The following PXDC1 variants were observed in gnomAD, a reference collection of about 807,000 sequenced individuals.
PXDC1 encodes PX domain containing 1, also known as PX domain-containing protein 1.
A neutral mutation model predicts 24.4 loss-of-function variants in PXDC1; 13 were observed. The ratio of observed to expected loss-of-function variants is 0.53; its 90% confidence interval spans 0.35 to 0.85. The LOEUF (loss-of-function observed/expected upper bound fraction) is 0.85. Among genes scored for constraint, PXDC1 ranks in the 40% least tolerant of loss-of-function variants. PXDC1 has a pLI of 0.01. For missense variants in PXDC1, 344 were observed against 309.3 expected (o/e 1.11, Z -0.84); for synonymous variants, 162 against 124.9 (o/e 1.30, Z -1.98).
rs1278768543 is a variant in PXDC1 at position 3,725,977 on chromosome 6, T to C, written c.578+1574A>G. ...TCAAGACCTGTCACTCCTGTGCACA[T>C]GCAGTCAGTCCCGGGCAGCTGCAAG... On this transcript the variant is annotated intron_variant, in intron 4 of 4. Transcript: ENST00000380283. This position sits in a 1 kb window ranked among gnomAD's most constrained non-coding sequence, Gnocchi z 4.8. Among the ~76,000 whole-genome samples, 1 of 119,958 alleles carries C rather than the reference T, an allele frequency of 8.3e-6. No individual in the cohort carries two copies. The highest frequency in any genetic ancestry group is 2.7e-4 in the South Asian group (1 of 3,680). 78.7% of individuals were successfully genotyped at this position (119,958 alleles called of 152,430 possible).
chr6:3,746,668 G>T (rs1760578644), intron 1 of PXDC1, among the ~76,000 whole-genome samples: 1 of 152,176 alleles, frequency 6.6e-6, no homozygotes, highest in African/African-American at 2.4e-5. Flanking sequence ...CTGTGCCCCT[G>T]CTCTGCTGCC....
intron 1 of PXDC1, among the ~76,000 whole-genome samples, chr6:3,741,178 G>C (rs777427201): frequency 2.0e-5 from 3 of 152,234 alleles, no homozygotes; most frequent in Non-Finnish European, 2.9e-5. Context: ...TCGAAGGAGA[G>C]TCTCGAGGGC....
chr6:3,736,188 CCT>C (rs1760311026), intron 3 of PXDC1, among the ~76,000 whole-genome samples: 1 of 152,156 alleles, frequency 6.6e-6, no homozygotes, highest in African/African-American at 2.4e-5. Context: ...GCTCAGACCC[CCT>C]CTCATCCACT....
chr6:3,738,008 G>T, intron 2 of PXDC1, 49 bp downstream of exon 2: 1 of 1,486,980 alleles, frequency 6.7e-7, no homozygotes, highest in Non-Finnish European at 9.4e-7. Flanking sequence ...TTTGGGAGGT[G>T]CCAGCACCTC....
At chr6:3,727,064 C>G (rs1561730654) in intron 4 of PXDC1, among the ~76,000 whole-genome samples, 1 of 152,218 alleles carries the variant, frequency 6.6e-6, no homozygotes, top group African/African-American at 2.4e-5. Flanking sequence ...ACCCCAGTGC[C>G]GGGCTCTCTA....
Position 3,727,563 on chromosome 6 carries a change from G to C in PXDC1, c.566C>G (p.Pro189Arg). 2 of 1,604,402 alleles carry C rather than the reference G, an allele frequency of 1.2e-6. No homozygotes were observed. The highest frequency in any genetic ancestry group is 1.7e-6 in the Non-Finnish European group (2 of 1,171,178). Reference protein sequence around the residue: ...NGRDQQLGVDPTEHLFENGSE... With the variant: ...NGRDQQLGVDRTEHLFENGSE... ...TCAGCATACTTACAAATGCTCTGTT[G>C]GGTCCACGCCCAGCTGCTGGTCTCT... The change falls in exon 4 of 5, where the codon CCA becomes CGA. Residue 189 changes from proline to arginine, a missense_variant. Physicochemically the swap from Pro to Arg is moderately radical, Grantham distance 103 (BLOSUM62 -2). Transcript: ENST00000380283.
chr6:3,737,770 G>C lies in PXDC1; in HGVS notation c.348+287C>G, dbSNP rs1760354229. 2 of 792,588 alleles carry C rather than the reference G, an allele frequency of 2.5e-6. No individual in the cohort carries two copies. The highest frequency in any genetic ancestry group is 1.3e-4 in the East Asian group (1 of 7,912). The allele number at this position is 792,588 out of a possible 1,614,324, so 49.1% of individuals were successfully genotyped here. A position where few individuals can be genotyped will look rare whatever the true frequency, so the allele number is the denominator to read the frequency against. On this transcript the variant is annotated intron_variant, in intron 2 of 4. Transcript: ENST00000380283. The surrounding 1 kb of genome is among the most constrained non-coding windows in gnomAD (Gnocchi z 5.5). ...AAAGCAAAGGCCTCCTGCAGCCAGA[G>C]GGGATCCGCACCCTTCCACCCATGC...
At chr6:3,736,763 G>A (rs1189514994) in intron 3 of PXDC1, among the ~76,000 whole-genome samples, 1 of 152,188 alleles carries the variant, frequency 6.6e-6, no homozygotes, top group Non-Finnish European at 1.5e-5. Flanking sequence ...CACTTCAGCA[G>A]GCTGAACAGT....
rs571195515 is a variant in PXDC1, at chr6:3,734,219, G to A, written c.466+2860C>T. 5.3e-5 allele frequency among the ~76,000 whole-genome samples: 8 copies of A among 152,286 alleles called. No individual in the cohort carries two copies. The South Asian group carries it at 1.5e-3, about 28-fold the overall frequency. ...CGTGGGCCATGTGTTCATACACATCGCTGATAGAGACGGGAGGCCAGGGCA... is the reference window on the plus strand; with the variant it reads ...CGTGGGCCATGTGTTCATACACATCACTGATAGAGACGGGAGGCCAGGGCA... On this transcript the variant is annotated intron_variant, in intron 3 of 4. Transcript: ENST00000380283.
In PXDC1 at chr6:3,733,573, G is replaced by A. The variant is rs193291545; in HGVS notation, c.466+3506C>T. On this transcript the variant is annotated intron_variant, in intron 3 of 4. Coordinates refer to ENST00000380283, the MANE Select transcript of PXDC1 (RefSeq NM_183373.4). ...GGTTCAGAGAAAGAAAACCAGACTC[G>A]GTGACCGGCAGAGAAGAGGAAGAGG... is the stretch of plus-strand genomic sequence containing the variant. 8.9e-4 allele frequency among the ~76,000 whole-genome samples: 136 copies of A among 152,186 alleles called. 1 individual carries two copies. The highest frequency in any genetic ancestry group is 2.9e-3 in the African/African-American group (122 of 41,498).
At position 3,737,178 on chromosome 6, in the gene PXDC1, C is replaced by CA; in HGVS notation, c.366dup (p.Val123CysfsTer17). 6 of 1,610,170 alleles carry CA rather than the reference C, an allele frequency of 3.7e-6. No homozygotes were observed. The highest frequency in any genetic ancestry group is 5.1e-6 in the Non-Finnish European group (6 of 1,176,360). On this transcript the variant is annotated frameshift_variant, in exon 3 of 5. Transcript: ENST00000380283. LOFTEE classifies it high-confidence loss of function. This position sits in a 1 kb window ranked among gnomAD's most constrained non-coding sequence, Gnocchi z 5.5. ...GGAGATCTTTCGAAGAAGGTGAGCA[C>CA]AACTTCCGATCTAGAATACTGGGGA...
In PXDC1 at chr6:3,751,447, C is replaced by A; in HGVS notation, c.85G>T (p.Val29Phe). The change falls in exon 1 of 5, where the codon GTC becomes TTC. Residue 29 changes from valine to phenylalanine, a missense_variant. Physicochemically the swap from Val to Phe is conservative, Grantham distance 50 (BLOSUM62 -1). Transcript: ENST00000380283. ...CWVNGIRRLI[V>F]SRRGDEEEFF... is the part of the protein sequence containing the mutation. ...TCCTCTTCGTCGCCGCGCCGGCTGA[C>A]GATGAGCCTGCGGATGCCGTTCACC... The A allele has an allele frequency of 6.3e-7, 1 of 1,599,460 alleles. No individual in the cohort carries two copies. Among genetic ancestry groups the A allele is most frequent in the Non-Finnish European group, 8.5e-7 (1 of 1,174,228 alleles).
At position 3,743,643 on chromosome 6, in the gene PXDC1, C is replaced by T. The variant is rs549337750; in HGVS notation, c.257-5495G>A. ...GTTAAGAACTGACTAGCTGGTTATT[C>T]AATGCATAACTAAGCAACCCAGGGA... On this transcript the variant is annotated intron_variant, in intron 1 of 4. Coordinates refer to ENST00000380283, the MANE Select transcript of PXDC1 (RefSeq NM_183373.4). 2.0e-5 allele frequency among the ~76,000 whole-genome samples: 3 copies of T among 152,336 alleles called. No individual in the cohort carries two copies. In the South Asian group the frequency reaches 6.2e-4, roughly 32 times the overall value.
At chr6:3,739,107 T>C in intron 1 of PXDC1, 1 of 1,176,696 alleles carries the variant, frequency 8.5e-7, no homozygotes, top group Non-Finnish European at 1.1e-6. Context: ...TCTGGTCTGA[T>C]TTTGTTTTGC....
Position 3,723,433 on chromosome 6 carries a change from G to C in PXDC1, c.*186C>G, listed in dbSNP as rs1186462733. The C allele has an allele frequency of 1.6e-6, 1 of 625,672 alleles. No individual in the cohort carries two copies. The highest frequency in any genetic ancestry group is 2.9e-6 in the Non-Finnish European group (1 of 348,598). 38.8% of individuals were successfully genotyped at this position (625,672 alleles called of 1,614,324 possible). On this transcript the variant is annotated 3_prime_UTR_variant, in exon 5 of 5. Transcript: ENST00000380283. ...CAGCTTGCTGGAGACTCTGCGGTCAGCCTGGCCCACTAGGAGCCCCTGCTG... is the reference window on the plus strand; with the variant it reads ...CAGCTTGCTGGAGACTCTGCGGTCACCCTGGCCCACTAGGAGCCCCTGCTG...
chr6:3,732,132 T>C (rs1240359842), intron 3 of PXDC1, among the ~76,000 whole-genome samples: 4 of 152,278 alleles, frequency 2.6e-5, no homozygotes, highest in Non-Finnish European at 5.9e-5. Context: ...GTTTGCCTGA[T>C]GGCAATTTTT....
chr6:3,747,747 A>C (rs2127602696), intron 1 of PXDC1, among the ~76,000 whole-genome samples: 1 of 152,218 alleles, frequency 6.6e-6, no homozygotes, highest in East Asian at 1.9e-4. Flanking sequence ...ATGTATCACT[A>C]TCTAATGTAT....
In PXDC1 at chr6:3,739,784, T is replaced by C. The variant is rs142798979; in HGVS notation, c.257-1636A>G. On this transcript the variant is annotated intron_variant, in intron 1 of 4. Coordinates refer to ENST00000380283, the MANE Select transcript of PXDC1 (RefSeq NM_183373.4). The stretch of plus-strand genomic sequence containing the variant: ...TGAATTCCTTGCATAGAATTTCAAA[T>C]ATTTATATACCGCAATTTACATAGA... Among the ~76,000 whole-genome samples the C allele has an allele frequency of 2.2e-3, 331 of 152,322 alleles. 2 individuals are homozygous for C. The highest frequency in any genetic ancestry group is 7.5e-3 in the African/African-American group (313 of 41,574).
Position 3,737,418 on chromosome 6 carries a change from C to T in PXDC1, c.349-222G>A, listed in dbSNP as rs189906836. 2.6e-5 allele frequency among the ~76,000 whole-genome samples: 4 copies of T among 152,346 alleles called. No individual in the cohort carries two copies. Among genetic ancestry groups the T allele is most frequent in the Non-Finnish European group, 5.9e-5 (4 of 68,036 alleles). ...AGGCGGCTGAAAGGCAAGGCCTCAG[C>T]GACCTGGGCAGTGGAGGGAATCATG... On this transcript the variant is annotated intron_variant, in intron 2 of 4. Transcript: ENST00000380283. This position sits in a 1 kb window ranked among gnomAD's most constrained non-coding sequence, Gnocchi z 5.5.
Sources: gnomAD v4.1 joint callset for allele counts (sites outside exome capture counted in the v4.1 genomes callset) on GRCh38, gnomAD v4.1.1 for gene constraint, Gnocchi (gnomAD v3.1) non-coding constraint, MANE v1.5 for transcripts, NCBI Gene and HGNC (gene_info 2026-07-23, HGNC 2026-07-21) for gene names.